IGSF10: variants seen among roughly 807,000 people sequenced by gnomAD.
The protein encoded by IGSF10 is immunoglobulin superfamily member 10.
IGSF10 carries 126 observed loss-of-function variants against 128.2 expected under a neutral mutation model. The ratio of observed to expected loss-of-function variants is 0.98; its 90% CI spans 0.85 to 1.14. The LOEUF (loss-of-function observed/expected upper bound fraction) is 1.14. Ranked by LOEUF, IGSF10 falls within the 50% of genes most tolerant of loss-of-function variation. IGSF10 has a pLI of 0.00. For synonymous variants in IGSF10, 1,185 were observed against 1,146.2 expected (o/e 1.03, Z -0.68); for missense variants, 3,295 against 3,149.8 (o/e 1.05, Z -1.10).
chr3:151,602,647 G>A, the IGSF10 span, among the ~76,000 whole-genome samples: 1 of 151,868 alleles, frequency 6.6e-6, no homozygotes, highest in South Asian at 2.1e-4. Context: ...CGGCTGATCA[G>A]CTGCCTGACC....
At chr3:151,440,822 C>T (rs771637118) in intron 7 of IGSF10, 58 of 341,486 alleles carry the variant, frequency 1.7e-4, no homozygotes, top group African/African-American at 6.0e-4. Context: ...AGCAAAGAAC[C>T]ACTGTTCTAA....
the IGSF10 span, among the ~76,000 whole-genome samples, chr3:151,539,846 G>A: frequency 1.3e-5 from 2 of 151,026 alleles, no homozygotes; most frequent in African/African-American, 4.9e-5. Flanking sequence ...CTATCTATCT[G>A]TCTATCTATC....
chr3:151,526,191 G>A, the IGSF10 span, among the ~76,000 whole-genome samples: 1 of 152,168 alleles, frequency 6.6e-6, no homozygotes, highest in African/African-American at 2.4e-5. Context: ...ACAGAGTGAA[G>A]GTTTAGAAGA....
At chr3:151,462,917 T>C (rs1336085863), upstream of IGSF10, among the ~76,000 whole-genome samples, 1 of 152,242 alleles carries the variant, frequency 6.6e-6, no homozygotes, top group Non-Finnish European at 1.5e-5. Context: ...TGTCGGGTTT[T>C]GGCAGCCACA....
At chr3:151,469,079 T>C in the IGSF10 span, among the ~76,000 whole-genome samples, 77,191 of 152,152 alleles carry the variant, frequency 0.51, 20,300 homozygotes, top group African/African-American at 0.64. Context: ...ATTTCTTTTT[T>C]ATAGCTGCAT....
At chr3:151,512,818 A>G in the IGSF10 span, among the ~76,000 whole-genome samples, 1 of 152,240 alleles carries the variant, frequency 6.6e-6, no homozygotes, top group African/African-American at 2.4e-5. Flanking sequence ...AACTACCATC[A>G]GAGAATACTA....
chr3:151,546,670 T>C, the IGSF10 span, among the ~76,000 whole-genome samples: 1 of 152,184 alleles, frequency 6.6e-6, no homozygotes, highest in Non-Finnish European at 1.5e-5. Context: ...ACACATAAAT[T>C]GCTTGTACAA....
chr3:151,438,125 T>C lies in IGSF10; in HGVS notation c.6436A>G (p.Ser2146Gly). ...TTGATTCTCTTGTTGGTTTTGTTAC[T>C]CTGCCTTATCCGGGGAGCAGCTGTT... is the stretch of plus-strand genomic sequence containing the variant. Reference protein sequence around the residue: ...VITAAPRIRQSNKTNKRIKAG... With the variant: ...VITAAPRIRQGNKTNKRIKAG... Residue 2146 changes from serine (S) to glycine (G), a missense_variant, in exon 8 of 8, where the codon AGT becomes GGT. Ser to Gly is a moderately conservative substitution (Grantham distance 56, BLOSUM62 0). Transcript: ENST00000282466. 6.2e-7 allele frequency: 1 copy of C among 1,614,222 alleles called. No individual in the cohort carries two copies. Among genetic ancestry groups the C allele is most frequent in the South Asian group, 1.1e-5 (1 of 91,092 alleles).
chr3:151,472,135 A>G, the IGSF10 span, among the ~76,000 whole-genome samples: 1 of 152,316 alleles, frequency 6.6e-6, no homozygotes, highest in African/African-American at 2.4e-5. Context: ...AATGGTTTAT[A>G]ACCAGTGTTT....
At chr3:151,509,235 A>C in the IGSF10 span, among the ~76,000 whole-genome samples, 2 of 152,198 alleles carry the variant, frequency 1.3e-5, no homozygotes, top group Non-Finnish European at 2.9e-5. Flanking sequence ...AATTTAATTG[A>C]ATTCCAAGAA....
upstream of IGSF10, among the ~76,000 whole-genome samples, chr3:151,465,899 C>T (rs1722266152): frequency 6.6e-6 from 1 of 152,170 alleles, no homozygotes; most frequent in African/African-American, 2.4e-5. Context: ...CTTGGCCAAT[C>T]CTAGCAGTCA....
chr3:151,448,860 ACTGGC>A lies in IGSF10; in HGVS notation c.1116_1120del (p.Gln372HisfsTer10). 2.5e-6 allele frequency: 4 copies of A among 1,613,994 alleles called. No homozygotes were observed. The highest frequency in any genetic ancestry group is 2.5e-6 in the Non-Finnish European group (3 of 1,179,812). ...ACTGTACAAAGCCAAAATTTGCCAC[ACTGGC>A]TGAATGTGACCGTAATCTATGTTGC... On this transcript the variant is annotated frameshift_variant, in exon 6 of 8. Coordinates refer to ENST00000282466, the MANE Select transcript of IGSF10 (RefSeq NM_178822.5). LOFTEE classifies it high-confidence loss of function.
At chr3:151,461,340 G>A (rs950698275), upstream of IGSF10, 2 of 985,194 alleles carry the variant, frequency 2.0e-6, no homozygotes, top group Non-Finnish European at 2.4e-6. Context: ...TGGTTTAAGG[G>A]TTTACGTAAA....
the IGSF10 span, among the ~76,000 whole-genome samples, chr3:151,488,972 A>G: frequency 1.3e-5 from 2 of 152,250 alleles, no homozygotes; most frequent in South Asian, 4.1e-4. Context: ...AAATTGACAA[A>G]TGGGATCTAA....
chr3:151,437,655 A>G lies in IGSF10; in HGVS notation c.6906T>C (p.Asn2302=), dbSNP rs1720471250. 1 of 1,614,126 alleles carries G rather than the reference A, an allele frequency of 6.2e-7. No homozygotes were observed. Among genetic ancestry groups the G allele is most frequent in the Non-Finnish European group, 8.5e-7 (1 of 1,180,022 alleles). ...VHKNGTLEIR[N]VRLSDSADFI... is the part of the protein sequence containing the mutation. ...AGTCGGCTGAATCTGAAAGCCTCAC[A>G]TTCCTAATTTCCAAGGTTCCATTTT... Residue 2302 remains asparagine, a synonymous_variant, in exon 8 of 8, where the codon AAT becomes AAC. Coordinates refer to ENST00000282466, the MANE Select transcript of IGSF10 (RefSeq NM_178822.5).
the IGSF10 span, among the ~76,000 whole-genome samples, chr3:151,510,283 G>A: frequency 6.6e-6 from 1 of 152,144 alleles, no homozygotes; most frequent in Non-Finnish European, 1.5e-5. Flanking sequence ...AAAACTTCCA[G>A]AGGAACGATC....
chr3:151,460,832 T>G, intron 1 of IGSF10, 114 bp downstream of exon 1: 2 of 300,400 alleles, frequency 6.7e-6, no homozygotes, highest in African/African-American at 2.5e-5. Context: ...CCCTCAGCCC[T>G]CCCCGCCCCA....
the IGSF10 span, among the ~76,000 whole-genome samples, chr3:151,483,369 G>GT: frequency 6.6e-6 from 1 of 152,076 alleles, no homozygotes; most frequent in Non-Finnish European, 1.5e-5. Context: ...ATTGCAGATT[G>GT]TAAGTATAAA....
At position 151,437,808 on chromosome 3, in the gene IGSF10, A is replaced by G. The variant is rs2108524477; in HGVS notation, c.6753T>C (p.Ala2251=). Residue 2251 remains alanine, a synonymous_variant, in exon 8 of 8, where the codon GCT becomes GCC. Transcript: ENST00000282466. ...YTNRTVIKAT[A]VRHSKKHFDC... ...CAAAGTGTTTTTTGGAATGTCTCAC[A>G]GCTGTGGCTTTAATAACAGTTCTGT... is the stretch of plus-strand genomic sequence containing the variant. The G allele has an allele frequency of 6.2e-7, 1 of 1,613,944 alleles. No homozygotes were observed. The highest frequency in any genetic ancestry group is 2.2e-5 in the East Asian group (1 of 44,882).
Sources: gnomAD v4.1 joint callset for allele counts (sites outside exome capture counted in the v4.1 genomes callset) on GRCh38, gnomAD v4.1.1 for gene constraint, MANE v1.5 for transcripts, NCBI Gene and HGNC (gene_info 2026-07-23, HGNC 2026-07-21) for gene names.